The following EYS variants were observed in gnomAD, a reference collection of about 807,000 sequenced individuals.
The protein encoded by EYS is protein eyes shut homolog.
EYS carries 250 observed loss-of-function variants against 282.1 expected under a neutral mutation model. That is an observed-to-expected ratio of 0.89 (90% CI 0.80 to 0.98). EYS has a LOEUF of 0.98. Among genes scored for constraint, EYS ranks in the 50% least tolerant of loss-of-function variants. The pLI is 0.00. For missense variants in EYS, 4,016 were observed against 3,709.0 expected, an observed-to-expected ratio of 1.08 and a Z score of -2.15; for synonymous variants, 1,355 against 1,282.9, an observed-to-expected ratio of 1.06 and a Z score of -1.20.
intron 31 of EYS, among the ~76,000 whole-genome samples, chr6:64,214,893 T>A (rs565751574): frequency 2.0e-5 from 3 of 152,032 alleles, no homozygotes; most frequent in Non-Finnish European, 4.4e-5. Flanking sequence ...CCATTTGATA[T>A]GTATGTAATA....
At chr6:65,181,908 G>C (rs1460434340) in intron 12 of EYS, among the ~76,000 whole-genome samples, 2 of 152,026 alleles carry the variant, frequency 1.3e-5, no homozygotes, top group Non-Finnish European at 2.9e-5. Flanking sequence ...GTCCTTTGTA[G>C]GGACATGGAT....
At chr6:64,692,870 A>G (rs916354169) in intron 22 of EYS, among the ~76,000 whole-genome samples, 1 of 150,002 alleles carries the variant, frequency 6.7e-6, no homozygotes, top group Non-Finnish European at 1.5e-5. Flanking sequence ...TCATTCTAGT[A>G]CCAAGCTGTT....
chr6:64,367,725 T>C (rs896739512), intron 29 of EYS, among the ~76,000 whole-genome samples: 1 of 152,084 alleles, frequency 6.6e-6, no homozygotes, highest in African/African-American at 2.4e-5. Context: ...AGCGGCTGCA[T>C]TGAAGAGCTG....
rs575581689 is a variant in EYS, at chr6:64,024,586, A to G, written c.6726-25403T>C. Among the ~76,000 whole-genome samples the G allele has an allele frequency of 2.6e-5, 4 of 152,138 alleles. No homozygotes were observed. The South Asian group carries it at 6.2e-4, about 24-fold the overall frequency. On this transcript the variant is annotated intron_variant, in intron 33 of 42. Transcript: ENST00000503581. Reference sequence around the variant, plus strand: ...AAGCTTTGTTCTTTCACTCTTTGCAATGAATCTTGCTGCTCCTCACTCTTT... The same window carrying G: ...AAGCTTTGTTCTTTCACTCTTTGCAGTGAATCTTGCTGCTCCTCACTCTTT...
intron 22 of EYS, among the ~76,000 whole-genome samples, chr6:64,663,235 C>A (rs1682458392): frequency 6.6e-6 from 1 of 152,130 alleles, no homozygotes; most frequent in Non-Finnish European, 1.5e-5. Context: ...ACAAAAAAGC[C>A]ATATTCTGAC....
chr6:63,750,112 T>A (rs944794646), intron 41 of EYS, among the ~76,000 whole-genome samples: 2 of 152,224 alleles, frequency 1.3e-5, no homozygotes, highest in African/African-American at 4.8e-5. Context: ...TAATATAGTT[T>A]ATTTATCTTT....
chr6:64,704,809 G>C (rs1352722844), intron 22 of EYS, among the ~76,000 whole-genome samples: 1 of 151,928 alleles, frequency 6.6e-6, no homozygotes, highest in East Asian at 1.9e-4. Flanking sequence ...ATATTGAAAA[G>C]ACAGAAAAAC....
At chr6:64,437,790 CTA>C (rs750415890) in intron 27 of EYS, among the ~76,000 whole-genome samples, 1 of 149,142 alleles carries the variant, frequency 6.7e-6, no homozygotes. Flanking sequence ...TGCCATGGTG[CTA>C]TATATATATA....
chr6:65,439,988 T>A (rs9351493), intron 5 of EYS, among the ~76,000 whole-genome samples: 28,152 of 151,800 alleles, frequency 0.19, 3,258 homozygotes, highest in Middle Eastern at 0.3. Context: ...TCAAGCAGAC[T>A]AGGAGGAGGA....
At chr6:64,316,922 C>T (rs1445109165) in intron 29 of EYS, among the ~76,000 whole-genome samples, 1 of 152,026 alleles carries the variant, frequency 6.6e-6, no homozygotes, top group Non-Finnish European at 1.5e-5. Context: ...CATCTACAAC[C>T]ATCTGATCTT....
In EYS at chr6:65,506,460, C is replaced by CTTTTTTTTTTTT. The variant is rs58326040; in HGVS notation, c.-332-10479_-332-10468dup. Among the ~76,000 whole-genome samples, 90 of 64,884 alleles carry CTTTTTTTTTTTT rather than the reference C, an allele frequency of 1.4e-3. 8 individuals are homozygous for CTTTTTTTTTTTT. The highest frequency in any genetic ancestry group is 1.9e-3 in the Non-Finnish European group (68 of 35,808). 42.6% of individuals were successfully genotyped at this position (64,884 alleles called of 152,430 possible). On this transcript the variant is annotated intron_variant, in intron 2 of 42. Transcript: ENST00000503581. ...GGTTTACAATATCCTTCCTTCCTTT[C>CTTTTTTTTTTTT]TTTTTTTTTTTTTTTTTTTTTTTTT... is the stretch of plus-strand genomic sequence containing the variant.
chr6:64,193,885 G>T (rs1200958280), intron 31 of EYS, among the ~76,000 whole-genome samples: 4 of 152,094 alleles, frequency 2.6e-5, no homozygotes, highest in Admixed American at 2.6e-4. Context: ...CACATTTTCT[G>T]AATCCAGTCT....
chr6:64,107,993 C>T (rs546321698), intron 31 of EYS, among the ~76,000 whole-genome samples: 4 of 152,152 alleles, frequency 2.6e-5, no homozygotes, highest in African/African-American at 7.2e-5. Flanking sequence ...CTGATAAAAT[C>T]CCAGAAGGTT....
At chr6:64,583,525 G>A (rs1431622212) in intron 26 of EYS, among the ~76,000 whole-genome samples, 1 of 152,164 alleles carries the variant, frequency 6.6e-6, no homozygotes, top group East Asian at 1.9e-4. Context: ...GCCAGGCACA[G>A]TAGCTCACGC....
chr6:64,178,853 C>T (rs1764708066), intron 31 of EYS, among the ~76,000 whole-genome samples: 4 of 151,930 alleles, frequency 2.6e-5, no homozygotes, highest in Admixed American at 2.0e-4. Context: ...ACCAGGAGAC[C>T]TAAATTTATA....
At chr6:63,791,756 T>C (rs991439641) in intron 37 of EYS, among the ~76,000 whole-genome samples, 3 of 152,196 alleles carry the variant, frequency 2.0e-5, no homozygotes, top group African/African-American at 7.2e-5. Context: ...TGAAAGGATT[T>C]TGAATAAGAG....
intron 33 of EYS, among the ~76,000 whole-genome samples, chr6:64,053,551 G>C (rs1381830599): frequency 6.6e-6 from 1 of 151,938 alleles, no homozygotes. Flanking sequence ...GTGTCCTCTG[G>C]CTTATGTGCC....
Position 64,518,472 on chromosome 6 carries a change from G to C in EYS, c.5644+71751C>G, listed in dbSNP as rs1056660003. On this transcript the variant is annotated intron_variant, in intron 26 of 42. Coordinates refer to ENST00000503581, the MANE Select transcript of EYS (RefSeq NM_001142800.2). ...GAAATGTATGGTATGTATATGTACT[G>C]CTGAAGAACTCTCTTGTAAGCTAAG... 2.0e-5 allele frequency among the ~76,000 whole-genome samples: 3 copies of C among 151,728 alleles called. No homozygotes were observed. In the South Asian group the frequency reaches 6.2e-4, roughly 31 times the overall value.
intron 5 of EYS, among the ~76,000 whole-genome samples, chr6:65,405,914 T>A (rs923308978): frequency 1.3e-5 from 2 of 152,108 alleles, no homozygotes; most frequent in African/African-American, 4.8e-5. Flanking sequence ...ATGCTTTTTT[T>A]ATATTTCTTG....
Sources: gnomAD v4.1 joint callset for allele counts (sites outside exome capture counted in the v4.1 genomes callset) on GRCh38, gnomAD v4.1.1 for gene constraint, MANE v1.5 for transcripts, NCBI Gene and HGNC (gene_info 2026-07-23, HGNC 2026-07-21) for gene names.